Variants in ZNF518A observed in about 807,000 individuals in gnomAD.
The protein encoded by ZNF518A is zinc finger protein 518A.
ZNF518A carries 47 observed loss-of-function variants against 102.7 expected under a neutral mutation model. The observed-to-expected ratio is 0.46, with a 90% CI of 0.36 to 0.58. The LOEUF (loss-of-function observed/expected upper bound fraction) is 0.58, where lower values mean the gene tolerates loss of function less well. Ranked by LOEUF, ZNF518A falls within the 20% of genes least tolerant of loss-of-function variation. The pLI, the probability that ZNF518A is intolerant of heterozygous loss-of-function variation, is 0.00. For missense variants in ZNF518A, 1,793 were observed against 1,699.8 expected (o/e 1.05, Z -0.96); for synonymous variants, 652 against 594.6 (o/e 1.10, Z -1.40).
intron 1 of ZNF518A, among the ~76,000 whole-genome samples, chr10:96,169,077 G>A (rs2083159162): frequency 1.3e-5 from 2 of 152,074 alleles, no homozygotes; most frequent in Admixed American, 1.3e-4. Flanking sequence ...TGCCCAGGCT[G>A]GAGTGCAGTG....
intron 1 of ZNF518A, among the ~76,000 whole-genome samples, chr10:96,186,987 G>A (rs2083275720): frequency 6.6e-6 from 1 of 152,156 alleles, no homozygotes. Context: ...AGGCCACAGA[G>A]GCCCAGGAAT....
chr10:96,196,844 A>G (rs2083479501), intron 1 of ZNF518A: 1 of 1,450,742 alleles, frequency 6.9e-7, no homozygotes, highest in Non-Finnish European at 9.7e-7. Flanking sequence ...CATCTAATAC[A>G]GTATTTGATG....
In ZNF518A at chr10:96,197,071, A is replaced by AT. The variant is rs781823661; in HGVS notation, n.36-6495dup. 5.6e-6 allele frequency: 9 copies of AT among 1,606,510 alleles called. No homozygotes were observed. Among genetic ancestry groups the AT allele is most frequent in the Middle Eastern group, 1.7e-4 (1 of 5,924 alleles). On this transcript the variant is annotated intron_variant and non_coding_transcript_variant, in intron 1 of 2. Coordinates refer to the ZNF518A transcript ENST00000442635. ...AATAAGAAATGATCCATCCTGTTTAATTTTTTTTAAAAAACATAATTATGG... is the reference window on the plus strand; with the variant it reads ...AATAAGAAATGATCCATCCTGTTTAATTTTTTTTTAAAAAACATAATTATGG...
chr10:96,168,396 T>A (rs980396769), downstream of ZNF518A, among the ~76,000 whole-genome samples: 2 of 152,032 alleles, frequency 1.3e-5, no homozygotes, highest in Non-Finnish European at 2.9e-5. Flanking sequence ...ATACATTGTC[T>A]TATGTTTATT....
intron 1 of ZNF518A, among the ~76,000 whole-genome samples, chr10:96,172,806 A>G (rs1002590073): frequency 7.9e-5 from 12 of 152,286 alleles, no homozygotes; most frequent in Non-Finnish European, 1.6e-4. Flanking sequence ...ACACTGGTAG[A>G]CATAAATCCA....
In ZNF518A at chr10:96,159,602, C is replaced by T. The variant is rs1327984833; in HGVS notation, c.3280C>T (p.Leu1094Phe). 2 of 1,613,752 alleles carry T rather than the reference C, an allele frequency of 1.2e-6. No individual in the cohort carries two copies. Among genetic ancestry groups the T allele is most frequent in the Admixed American group, 3.3e-5 (2 of 60,000 alleles). The change falls in exon 6 of 6, where the codon CTT becomes TTT. Residue 1094 changes from leucine to phenylalanine, a missense_variant. Around this residue, in one of 3 missense-constraint regions of ZNF518A, gnomAD observed 1,741 missense variants for 1,622.6 expected, o/e 1.07. Coordinates refer to ENST00000316045, the MANE Select transcript of ZNF518A (RefSeq NM_001330736.2). ...GAATGAGATTTTTCCAAAACCACCTCTTTATACCTTCTTGCCTGATGGCAA... is the reference window on the plus strand; with the variant it reads ...GAATGAGATTTTTCCAAAACCACCTTTTTATACCTTCTTGCCTGATGGCAA... ...QQNEIFPKPP[L>F]YTFLPDGKQA...
At chr10:96,194,293 C>T (rs1404211589) in intron 1 of ZNF518A, among the ~76,000 whole-genome samples, 1 of 152,160 alleles carries the variant, frequency 6.6e-6, no homozygotes, top group African/African-American at 2.4e-5. Context: ...CATTTTAAAA[C>T]CAAAGATTGG....
intron 1 of ZNF518A, among the ~76,000 whole-genome samples, chr10:96,190,518 T>G (rs1554893135): frequency 1.3e-5 from 2 of 152,234 alleles, no homozygotes; most frequent in African/African-American, 4.8e-5. Flanking sequence ...TCAACATATC[T>G]TTTTGAGGGG....
At chr10:96,182,374 G>A (rs1004840307) in intron 1 of ZNF518A, among the ~76,000 whole-genome samples, 7 of 152,204 alleles carry the variant, frequency 4.6e-5, no homozygotes, top group African/African-American at 1.4e-4. Flanking sequence ...ATGTTGAATA[G>A]GAGTGGTGAG....
At chr10:96,163,913 C>T (rs1485778885), downstream of ZNF518A, among the ~76,000 whole-genome samples, 1 of 151,890 alleles carries the variant, frequency 6.6e-6, no homozygotes, top group African/African-American at 2.4e-5. Context: ...CTACAAAGTA[C>T]GAACTAAAAT....
At chr10:96,194,768 A>ATTTTTTTTTTTTTTTTTTTTT (rs71034364) in intron 1 of ZNF518A, among the ~76,000 whole-genome samples, 1 of 110,286 alleles carries the variant, frequency 9.1e-6, no homozygotes, top group Non-Finnish European at 1.8e-5. Context: ...AGAAATGCAA[A>ATTTTTTTTTTTTTTTTTTTTT]TTTTTTTTTT....
At chr10:96,196,804 T>A in intron 1 of ZNF518A, 1 of 1,140,888 alleles carries the variant, frequency 8.8e-7, no homozygotes, top group Non-Finnish European at 1.3e-6. Context: ...TTAGAACAAG[T>A]ACTTTTGTAT....
chr10:96,164,887 T>G (rs1264329466), downstream of ZNF518A, among the ~76,000 whole-genome samples: 2 of 152,236 alleles, frequency 1.3e-5, no homozygotes, highest in Non-Finnish European at 2.9e-5. Flanking sequence ...TGGCAACTCA[T>G]GAAATACATC....
chr10:96,188,811 G>C (rs2083288300), intron 1 of ZNF518A, among the ~76,000 whole-genome samples: 1 of 152,116 alleles, frequency 6.6e-6, no homozygotes. Context: ...TAATAAACTG[G>C]GTGGCTTAAA....
intron 1 of ZNF518A, chr10:96,189,670 G>A: frequency 1.4e-6 from 1 of 718,730 alleles, no homozygotes; most frequent in South Asian, 1.4e-5. Context: ...CTTCAATGGT[G>A]CTTTTTCTTC....
chr10:96,178,287 C>T (rs1423008201), intron 1 of ZNF518A, among the ~76,000 whole-genome samples: 3 of 152,046 alleles, frequency 2.0e-5, no homozygotes, highest in African/African-American at 7.2e-5. Flanking sequence ...AATTAGAAAT[C>T]AATCTCAGAA....
In ZNF518A at chr10:96,175,389, C is replaced by G. The variant is rs587670285; in HGVS notation, n.35+19342C>G. Among the ~76,000 whole-genome samples the G allele has an allele frequency of 4.6e-5, 7 of 152,266 alleles. No individual in the cohort carries two copies. The South Asian group carries it at 1.5e-3, about 32-fold the overall frequency. On this transcript the variant is annotated intron_variant and non_coding_transcript_variant, in intron 1 of 2. Transcript: ENST00000442635. ...AGCTGGGTGATGAGTAATCTGGTCC[C>G]AAAACCTCATCTTTACTTCCTGCTT...
chr10:96,182,451 T>G (rs1198780558), intron 1 of ZNF518A, among the ~76,000 whole-genome samples: 4 of 152,210 alleles, frequency 2.6e-5, no homozygotes, highest in African/African-American at 7.2e-5. Context: ...CCATTCAGTA[T>G]GATGGTGGCT....
Position 96,157,170 on chromosome 10 carries a change from C to T in ZNF518A, c.848C>T (p.Thr283Ile). The change falls in exon 6 of 6, where the codon ACT (threonine) becomes ATT (isoleucine). Residue 283 changes from threonine (T) to isoleucine (I), a missense_variant. Coordinates refer to ENST00000316045, the MANE Select transcript of ZNF518A (RefSeq NM_001330736.2). Reference protein sequence around the residue: ...RREHLVRHVITLHKEHLYAKE... With the variant: ...RREHLVRHVIILHKEHLYAKE... Reference sequence around the variant, plus strand: ...GAACACCTTGTAAGACATGTTATAACTTTGCACAAAGAACATTTATATGCA... The same window carrying T: ...GAACACCTTGTAAGACATGTTATAATTTTGCACAAAGAACATTTATATGCA... The T allele has an allele frequency of 6.2e-7, 1 of 1,613,028 alleles. No individual in the cohort carries two copies. Among genetic ancestry groups the T allele is most frequent in the Non-Finnish European group, 8.5e-7 (1 of 1,179,508 alleles).
Sources: allele counts gnomAD v4.1 joint callset (sites outside exome capture counted in the v4.1 genomes callset), GRCh38; gene constraint gnomAD v4.1.1; regional missense constraint gnomAD v4.1.1; transcripts MANE v1.5; gene names NCBI Gene and HGNC (gene_info 2026-07-23, HGNC 2026-07-21).